The following ADGRF1 variants were observed in gnomAD, a reference collection of about 807,000 sequenced individuals.
ADGRF1 encodes the protein G protein-coupled receptor 110.
In ADGRF1, 85 loss-of-function variants were observed where a neutral mutation model predicts 87.2. The ratio of observed to expected loss-of-function variants is 0.97; its 90% CI spans 0.82 to 1.17. The LOEUF is 1.17. Among genes scored for constraint, ADGRF1 ranks in the 50% most tolerant of loss-of-function variants. The probability of loss-of-function intolerance (pLI) is 0.00; values close to 1 mark genes in which losing one functional copy is unlikely to be tolerated. For synonymous variants in ADGRF1, 430 were observed against 408.8 expected, an observed-to-expected ratio of 1.05 and a Z score of -0.63; for missense variants, 1,169 against 1,077.2, an observed-to-expected ratio of 1.09 and a Z score of -1.19.
chr6:47,004,573 T>G (rs1358457612), intron 13 of ADGRF1, among the ~76,000 whole-genome samples: 1 of 152,214 alleles, frequency 6.6e-6, no homozygotes, highest in African/African-American at 2.4e-5. Context: ...TTTGACTTTC[T>G]GCTTTGCAGG....
chr6:47,037,283 A>G (rs965654683), intron 1 of ADGRF1, among the ~76,000 whole-genome samples: 2 of 152,082 alleles, frequency 1.3e-5, no homozygotes, highest in Non-Finnish European at 1.5e-5. Flanking sequence ...CAGCTTGACT[A>G]TTTAAGTCAT....
chr6:46,998,155 C>A lies in ADGRF1; in HGVS notation c.*2067G>T, dbSNP rs1779262960. The A allele has an allele frequency of 6.6e-6, 1 of 151,982 alleles. No homozygotes were observed. Among genetic ancestry groups the A allele is most frequent in the Non-Finnish European group, 1.5e-5 (1 of 67,992 alleles). The allele number at this position is 151,982 out of a possible 1,614,324, so 9.4% of individuals were successfully genotyped here. A position where few individuals can be genotyped will look rare whatever the true frequency, so the allele number is the denominator to read the frequency against. On this transcript the variant is annotated 3_prime_UTR_variant, in exon 15 of 15. Coordinates refer to ENST00000371253, the MANE Select transcript of ADGRF1 (RefSeq NM_153840.4). The stretch of plus-strand genomic sequence containing the variant: ...CTGGCCTCCCTTTCCCCAAGGTCCC[C>A]AAAAAAAGAAATCTGTCTTATGAGA...
At chr6:47,041,608 A>G (rs1445946231) in intron 1 of ADGRF1, among the ~76,000 whole-genome samples, 1 of 152,152 alleles carries the variant, frequency 6.6e-6, no homozygotes, top group Non-Finnish European at 1.5e-5. Context: ...GACATTTTAT[A>G]TTTATTTGGG....
In ADGRF1 at chr6:47,016,828, G is replaced by A. The variant is rs139168241; in HGVS notation, c.612-60C>T. The A allele has an allele frequency of 4.7e-4, 711 of 1,505,418 alleles. 2 individuals carry two copies. In the Middle Eastern group the frequency reaches 5.0e-3, roughly 11 times the overall value. The allele number at this position is 1,505,418 out of a possible 1,614,324, so 93.3% of individuals were successfully genotyped here. ...ACTACTTATTTATTCATTCACTCCC[G>A]GCCTATGCTGTGTGTACATGCCATG... is the stretch of plus-strand genomic sequence containing the variant. On this transcript the variant is annotated intron_variant, in intron 7 of 14. Transcript: ENST00000371253.
intron 1 of ADGRF1, among the ~76,000 whole-genome samples, chr6:47,038,117 T>C (rs1029325431): frequency 4.6e-5 from 7 of 152,186 alleles, no homozygotes; most frequent in Admixed American, 1.3e-4. Context: ...CGCCTCAGCC[T>C]CCAGAAGTGC....
At chr6:47,031,017 A>G (rs949927020) in intron 1 of ADGRF1, among the ~76,000 whole-genome samples, 3 of 151,704 alleles carry the variant, frequency 2.0e-5, no homozygotes, top group Admixed American at 6.6e-5. Flanking sequence ...CCTGCTTCGG[A>G]CTCCCAAAAT....
intron 9 of ADGRF1, chr6:47,013,603 TCTTA>T (rs1779772073): frequency 2.0e-6 from 2 of 985,490 alleles, no homozygotes; most frequent in Non-Finnish European, 2.4e-6. Flanking sequence ...CTTCTTTCTG[TCTTA>T]CTTGTCTTAA....
At chr6:47,006,289 T>C (rs1199737454) in intron 12 of ADGRF1, among the ~76,000 whole-genome samples, 3 of 152,150 alleles carry the variant, frequency 2.0e-5, no homozygotes, top group African/African-American at 7.2e-5. Context: ...AGCAACAATT[T>C]TGCTAATTAT....
rs1442291445 is a variant in ADGRF1, at chr6:46,997,803, C to T, written c.*2419G>A. 6.7e-6 allele frequency: 1 copy of T among 149,822 alleles called. No individual in the cohort carries two copies. The highest frequency in any genetic ancestry group is 1.5e-5 in the Non-Finnish European group (1 of 67,908). The allele number at this position is 149,822 out of a possible 1,614,324, so 9.3% of individuals were successfully genotyped here. On this transcript the variant is annotated 3_prime_UTR_variant, in exon 15 of 15. Coordinates refer to ENST00000371253, the MANE Select transcript of ADGRF1 (RefSeq NM_153840.4). Reference sequence around the variant, plus strand: ...AGACAAGCATGCACATACATGATATCTGATCAAACATTTTTTTGTCTCTCA... The same window carrying T: ...AGACAAGCATGCACATACATGATATTTGATCAAACATTTTTTTGTCTCTCA...
intron 2 of ADGRF1, 64 bp from the exon 3 acceptor site, chr6:47,027,825 C>A (rs1327712307): frequency 6.4e-6 from 6 of 940,570 alleles, no homozygotes; most frequent in Admixed American, 3.7e-5. Flanking sequence ...TAAGGCCTTG[C>A]TGAGTTTCCC....
At chr6:47,037,948 C>G (rs1780636208) in intron 1 of ADGRF1, among the ~76,000 whole-genome samples, 1 of 152,192 alleles carries the variant, frequency 6.6e-6, no homozygotes, top group Admixed American at 6.5e-5. Flanking sequence ...GCACCCTCTT[C>G]CTCCTGGGTT....
intron 1 of ADGRF1, among the ~76,000 whole-genome samples, chr6:47,040,999 T>C (rs1428578630): frequency 2.0e-5 from 3 of 152,158 alleles, no homozygotes; most frequent in African/African-American, 4.8e-5. Flanking sequence ...TCACATCAGC[T>C]TGGGGTTGTG....
At chr6:47,013,407 C>T (rs1179112990) in intron 9 of ADGRF1, 3 of 985,416 alleles carry the variant, frequency 3.0e-6, no homozygotes, top group East Asian at 2.3e-4. Flanking sequence ...GAGAAGTAAA[C>T]ATTCCACAGT....
chr6:47,013,273 A>G (rs1323134188), intron 9 of ADGRF1: 1 of 985,354 alleles, frequency 1.0e-6, no homozygotes, highest in Non-Finnish European at 1.2e-6. Flanking sequence ...ATCTGCCTGG[A>G]GCGAACTAGT....
chr6:47,031,555 GCTACA>G (rs1780433638), intron 1 of ADGRF1, among the ~76,000 whole-genome samples: 1 of 152,048 alleles, frequency 6.6e-6, no homozygotes, highest in African/African-American at 2.4e-5. Flanking sequence ...CCTTGGACTT[GCTACA>G]GATGGTAAAC....
chr6:47,020,674 T>C (rs1780020504), intron 7 of ADGRF1, 57 bp downstream of exon 7: 1 of 1,595,208 alleles, frequency 6.3e-7, no homozygotes, highest in Non-Finnish European at 8.6e-7. Flanking sequence ...ACTCTGCCTT[T>C]TGCAGAACTG....
intron 7 of ADGRF1, chr6:47,018,513 G>T (rs984717724): frequency 7.8e-7 from 1 of 1,289,614 alleles, no homozygotes; most frequent in Non-Finnish European, 1.0e-6. Flanking sequence ...ATTGATTACA[G>T]AGTATTTTCC....
At chr6:47,033,402 T>C (rs1471276096) in intron 1 of ADGRF1, among the ~76,000 whole-genome samples, 3 of 152,274 alleles carry the variant, frequency 2.0e-5, no homozygotes, top group African/African-American at 7.2e-5. Flanking sequence ...TGCCAACAGC[T>C]GTCTCCTTAT....
At chr6:47,004,755 G>A (rs887228698) in intron 13 of ADGRF1, among the ~76,000 whole-genome samples, 1 of 152,204 alleles carries the variant, frequency 6.6e-6, no homozygotes, top group Admixed American at 6.5e-5. Context: ...CCCAGAATGT[G>A]AGAACTTCTG....
Sources: gnomAD v4.1 joint callset for allele counts (sites outside exome capture counted in the v4.1 genomes callset) on GRCh38, gnomAD v4.1.1 for gene constraint, MANE v1.5 for transcripts, NCBI Gene and HGNC (gene_info 2026-07-23, HGNC 2026-07-21) for gene names.